Variants in GARS1 observed in about 807,000 individuals in gnomAD.
The protein encoded by GARS1 is glycyl-tRNA synthetase 1.
A neutral mutation model predicts 86.4 loss-of-function variants in GARS1; 46 were observed. The observed-to-expected ratio is 0.53, with a 90% CI of 0.42 to 0.68. GARS1 has a LOEUF of 0.68. Among genes scored for constraint, GARS1 ranks in the 30% least tolerant of loss-of-function variants. The pLI, the probability that GARS1 is intolerant of heterozygous loss-of-function variation, is 0.00. For synonymous variants in GARS1, 342 were observed against 329.8 expected (o/e 1.04, Z -0.40); for missense variants, 797 against 915.6 (o/e 0.87, Z 1.67).
rs1783260918 is a variant in GARS1, at chr7:30,632,664, G to A, written c.2094+227G>A. On this transcript the variant is annotated intron_variant, in intron 16 of 16. Transcript: ENST00000389266. This position sits in a 1 kb window ranked among gnomAD's most constrained non-coding sequence, Gnocchi z 4.1. ...TTTATAAACATTTGTGTTGCTCCAG[G>A]CTTATTCTCCAGCAGTTTGCTTTTA... 6.6e-6 allele frequency among the ~76,000 whole-genome samples: 1 copy of A among 152,080 alleles called. No homozygotes were observed.
At chr7:30,598,699 T>C (rs1791312077) in intron 1 of GARS1, 97 bp from the exon 2 acceptor site, 1 of 1,025,158 alleles carries the variant, frequency 9.8e-7, no homozygotes, top group Non-Finnish European at 1.5e-6. Flanking sequence ...TGCATCATTC[T>C]TACATAGACT....
intron 6 of GARS1, among the ~76,000 whole-genome samples, chr7:30,605,480 A>G (rs1411704639): frequency 6.6e-6 from 1 of 152,204 alleles, no homozygotes; most frequent in Non-Finnish European, 1.5e-5. Context: ...TTTTGTATCT[A>G]TTCCCCTCTC....
At chr7:30,619,247 A>G (rs1297983700) in intron 10 of GARS1, among the ~76,000 whole-genome samples, 2 of 152,186 alleles carry the variant, frequency 1.3e-5, no homozygotes, top group African/African-American at 4.8e-5. Context: ...TCTAAGTGCC[A>G]TTGTGAGGGT....
At chr7:30,598,498 C>G (rs979145863) in intron 1 of GARS1, among the ~76,000 whole-genome samples, 1 of 150,462 alleles carries the variant, frequency 6.6e-6, no homozygotes, top group Non-Finnish European at 1.5e-5. Flanking sequence ...AAGTGATTCT[C>G]CTGCCTCAGC....
intron 8 of GARS1, among the ~76,000 whole-genome samples, chr7:30,614,479 A>G (rs1473015184): frequency 1.3e-5 from 2 of 152,228 alleles, no homozygotes. Context: ...TTTCTCTCAC[A>G]TTTATATGGG....
chr7:30,604,612 C>A (rs1455230375), intron 6 of GARS1, among the ~76,000 whole-genome samples: 1 of 151,966 alleles, frequency 6.6e-6, no homozygotes, highest in Non-Finnish European at 1.5e-5. Context: ...TGAAAACTTT[C>A]TTAATTTGGC....
chr7:30,594,745 T>C (rs78980639), upstream of GARS1: 3,354 of 603,942 alleles, frequency 5.6e-3, 21 homozygotes, highest in East Asian at 0.018. Context: ...TTCGGCGGGG[T>C]CCTTCCGGGT....
At position 30,632,208 on chromosome 7, in the gene GARS1, A is replaced by T; in HGVS notation, c.1904-39A>T. 6.2e-7 allele frequency: 1 copy of T among 1,601,614 alleles called. No homozygotes were observed. The highest frequency in any genetic ancestry group is 8.5e-7 in the Non-Finnish European group (1 of 1,170,466). ...GTTAGATAACACTGGGCTTAACTCC[A>T]TTGTTTTATTTTTAATTTACTTTGT... On this transcript the variant is annotated intron_variant, in intron 15 of 16. Coordinates refer to ENST00000389266, the MANE Select transcript of GARS1 (RefSeq NM_002047.4). The surrounding 1 kb of genome is among the most constrained non-coding windows in gnomAD (Gnocchi z 4.1).
intron 14 of GARS1, among the ~76,000 whole-genome samples, chr7:30,629,177 A>T (rs1783188709): frequency 6.6e-6 from 1 of 152,110 alleles, no homozygotes; most frequent in South Asian, 2.1e-4. Flanking sequence ...AGACCCAGGG[A>T]TCTGGGGTTT....
At chr7:30,633,588 T>G in intron 16 of GARS1, 147 bp from the exon 17 acceptor site, 1 of 867,892 alleles carries the variant, frequency 1.2e-6, no homozygotes, top group Non-Finnish European at 1.9e-6. Context: ...GGGGAACTGG[T>G]GGGCGTTTTG....
chr7:30,610,904 A>G (rs914087241), intron 7 of GARS1, among the ~76,000 whole-genome samples: 1 of 152,234 alleles, frequency 6.6e-6, no homozygotes, highest in African/African-American at 2.4e-5. Context: ...ACATGATTTT[A>G]TACATACTAA....
At chr7:30,630,250 C>A (rs1783209438) in intron 14 of GARS1, among the ~76,000 whole-genome samples, 1 of 152,110 alleles carries the variant, frequency 6.6e-6, no homozygotes, top group South Asian at 2.1e-4. Context: ...GAATTCTGAA[C>A]CTTCTGTGAT....
chr7:30,629,812 G>T (rs1037898026), intron 14 of GARS1, among the ~76,000 whole-genome samples: 2 of 152,148 alleles, frequency 1.3e-5, no homozygotes, highest in African/African-American at 4.8e-5. Flanking sequence ...ATAAGGCTTG[G>T]TTCTTTTTGA....
rs199878197 is a variant in GARS1 at position 30,621,046 on chromosome 7, TTTTC to T, written c.1360-339_1360-336del. Among the ~76,000 whole-genome samples the T allele has an allele frequency of 0.035, 5,356 of 151,440 alleles. 119 individuals are homozygous for T. The highest frequency in any genetic ancestry group is 0.07 in the Middle Eastern group (20 of 286). On this transcript the variant is annotated intron_variant, in intron 10 of 16. Transcript: ENST00000389266. The stretch of plus-strand genomic sequence containing the variant: ...TGTGTACAGTGTGAATTATATATTT[TTTTC>T]TTTCTTTTTTTTTTTTTTTTTAAGA...
At chr7:30,617,319 A>G in intron 10 of GARS1, 41 bp downstream of exon 10, 1 of 1,602,752 alleles carries the variant, frequency 6.2e-7, no homozygotes, top group Non-Finnish European at 8.5e-7. Context: ...TCACATTGTT[A>G]ACTTAGAAGC....
Position 30,633,975 on chromosome 7 carries a change from A to G in GARS1, c.*115A>G. On this transcript the variant is annotated 3_prime_UTR_variant, in exon 17 of 17. Transcript: ENST00000389266. ...TGATTACTCCCAGGGACCGTATTTT[A>G]TCTTCAGTGGCTGCCTGATTTTACC... 7.8e-7 allele frequency: 1 copy of G among 1,281,710 alleles called. No individual in the cohort carries two copies. The highest frequency in any genetic ancestry group is 1.4e-5 in the South Asian group (1 of 73,716). 79.4% of individuals were successfully genotyped at this position (1,281,710 alleles called of 1,614,324 possible).
At chr7:30,621,886 GA>G (rs1679802100) in intron 11 of GARS1, among the ~76,000 whole-genome samples, 1 of 152,292 alleles carries the variant, frequency 6.6e-6, no homozygotes, top group African/African-American at 2.4e-5. Flanking sequence ...GATAGTAGCT[GA>G]AATAATAATT....
At chr7:30,631,716 C>T (rs1268993820) in intron 15 of GARS1, among the ~76,000 whole-genome samples, 175 bp downstream of exon 15, 3 of 152,158 alleles carry the variant, frequency 2.0e-5, no homozygotes, top group African/African-American at 7.2e-5. Flanking sequence ...GATATGCTTG[C>T]TCAGATGTTT....
intron 13 of GARS1, chr7:30,626,980 C>CAAAAA: frequency 6.4e-6 from 2 of 313,318 alleles, no homozygotes; most frequent in African/African-American, 3.1e-5. Flanking sequence ...GACTCCGTCT[C>CAAAAA]AAAAAAAAAA....
Sources: allele counts gnomAD v4.1 joint callset (sites outside exome capture counted in the v4.1 genomes callset), GRCh38; gene constraint gnomAD v4.1.1; non-coding constraint Gnocchi (gnomAD v3.1); transcripts MANE v1.5; gene names NCBI Gene and HGNC (gene_info 2026-07-23, HGNC 2026-07-21).